Variants in PPFIBP1 observed in about 807,000 individuals in gnomAD.
The protein encoded by PPFIBP1 is liprin-beta-1.
Under a neutral mutation model 137.8 loss-of-function variants are expected in PPFIBP1, and 112 were observed. The observed-to-expected ratio is 0.81, with a 90% CI of 0.70 to 0.95. The LOEUF is 0.95. Among genes scored for constraint, PPFIBP1 ranks in the 40% least tolerant of loss-of-function variants. The pLI, the probability that PPFIBP1 is intolerant of heterozygous loss-of-function variation, is 0.00. For synonymous variants in PPFIBP1, 378 were observed against 417.3 expected (o/e 0.91, Z 1.15); for missense variants, 1,083 against 1,196.6 (o/e 0.91, Z 1.40).
intron 4 of PPFIBP1, chr12:27,637,295 G>A (rs532933457): frequency 6.6e-6 from 1 of 152,258 alleles, no homozygotes; most frequent in East Asian, 1.9e-4. Context: ...CTCCATGAAT[G>A]ATAAAGTGGA....
At chr12:27,593,658 A>G in intron 2 of PPFIBP1, 1 of 530,518 alleles carries the variant, frequency 1.9e-6, no homozygotes, top group East Asian at 3.6e-5. Flanking sequence ...CAGTTTGCTG[A>G]CAGATAGTTT....
intron 17 of PPFIBP1, among the ~76,000 whole-genome samples, chr12:27,674,811 ATT>A (rs72418237): frequency 1.8e-5 from 2 of 108,704 alleles, no homozygotes; most frequent in Non-Finnish European, 3.5e-5. Flanking sequence ...CTTTCCCCTG[ATT>A]TTTTTTTTTT....
chr12:27,637,107 C>T (rs947722927), intron 4 of PPFIBP1: 6 of 152,180 alleles, frequency 3.9e-5, no homozygotes, highest in African/African-American at 1.4e-4. Context: ...TTGTTCTTAG[C>T]ATTCACCATT....
intron 9 of PPFIBP1, 115 bp from the exon 10 acceptor site, chr12:27,658,701 T>G: frequency 1.9e-4 from 213 of 1,139,172 alleles, no homozygotes; most frequent in East Asian, 3.2e-4. Context: ...AAAGTTTTTA[T>G]GAGGTTAGAT....
At chr12:27,671,668 G>A (rs898557172) in intron 14 of PPFIBP1, 122 bp downstream of exon 14, 12 of 579,776 alleles carry the variant, frequency 2.1e-5, no homozygotes, top group Non-Finnish European at 2.4e-5. Context: ...ACTGCAAGAT[G>A]TCCACTGGGG....
intron 4 of PPFIBP1, among the ~76,000 whole-genome samples, chr12:27,642,402 G>T (rs555697912): frequency 6.6e-6 from 1 of 152,352 alleles, no homozygotes; most frequent in African/African-American, 2.4e-5. Flanking sequence ...GTGGAAGTCA[G>T]ATCGACTCAA....
chr12:27,596,958 G>C (rs1056332465), intron 2 of PPFIBP1, among the ~76,000 whole-genome samples: 2 of 152,168 alleles, frequency 1.3e-5, no homozygotes, highest in Non-Finnish European at 2.9e-5. Context: ...TCTTGTCTCA[G>C]GAGGCTGACC....
chr12:27,667,437 A>C, intron 13 of PPFIBP1, 117 bp downstream of exon 13: 18 of 883,036 alleles, frequency 2.0e-5, no homozygotes, highest in Non-Finnish European at 2.7e-5. Flanking sequence ...TCACCAACTC[A>C]AGTGAGGTTA....
chr12:27,599,522 C>T (rs1306007576), intron 2 of PPFIBP1: 3 of 455,728 alleles, frequency 6.6e-6, no homozygotes, highest in South Asian at 4.7e-5. Context: ...TCTTTCTCTC[C>T]TTCCCTCCTG....
chr12:27,663,430 A>G lies in PPFIBP1; in HGVS notation c.907-932A>G, dbSNP rs1470271916. Among the ~76,000 whole-genome samples, 3 of 152,318 alleles carry G rather than the reference A, an allele frequency of 2.0e-5. No homozygotes were observed. The South Asian group carries it at 6.2e-4, about 32-fold the overall frequency. On this transcript the variant is annotated intron_variant, in intron 11 of 29. Transcript: ENST00000228425. Reference sequence around the variant, plus strand: ...AGATAATGGGGGTTATGGAAGTTCAACAGCTATCTGGTCAAAGGATTGAGA... The same window carrying G: ...AGATAATGGGGGTTATGGAAGTTCAGCAGCTATCTGGTCAAAGGATTGAGA...
chr12:27,674,288 G>C, intron 17 of PPFIBP1, 67 bp downstream of exon 17: 1 of 1,224,550 alleles, frequency 8.2e-7, no homozygotes, highest in East Asian at 2.4e-5. Context: ...TTGCTTAAAT[G>C]TCTCCAGTAG....
At position 27,526,006 on chromosome 12, in the gene PPFIBP1, T is replaced by C. The variant is rs192344373; in HGVS notation, c.-124+1641T>C. On this transcript the variant is annotated intron_variant, in intron 1 of 29. Transcript: ENST00000228425. ...TGGCTTAAGACACAGAAATTGCAAA[T>C]GGCTCTGCAATAATGGTGAACAAGT... is the stretch of plus-strand genomic sequence containing the variant. 6.0e-4 allele frequency among the ~76,000 whole-genome samples: 92 copies of C among 152,358 alleles called. 1 individual carries two copies. The highest frequency in any genetic ancestry group is 2.2e-3 in the African/African-American group (90 of 41,588).
In PPFIBP1 at chr12:27,537,935, A is replaced by G. The variant is rs563910345; in HGVS notation, c.-124+13570A>G. On this transcript the variant is annotated intron_variant, in intron 1 of 29. Coordinates refer to ENST00000228425, the MANE Select transcript of PPFIBP1 (RefSeq NM_003622.4). ...ACCTGAATGTTGATCTTTTAGTCTG[A>G]GAAATTAAATTCCCCGTTCATAACG... is the stretch of plus-strand genomic sequence containing the variant. 1.3e-4 allele frequency among the ~76,000 whole-genome samples: 20 copies of G among 152,294 alleles called. No homozygotes were observed. In the South Asian group the frequency reaches 4.1e-3, roughly 32 times the overall value.
intron 2 of PPFIBP1, among the ~76,000 whole-genome samples, chr12:27,601,498 C>T (rs1434131187): frequency 3.3e-5 from 5 of 152,248 alleles, no homozygotes; most frequent in South Asian, 2.1e-4. Context: ...TGCATCATAC[C>T]GCTGCCAAAG....
At chr12:27,656,997 G>T in intron 9 of PPFIBP1, 1 of 282,740 alleles carries the variant, frequency 3.5e-6, no homozygotes, top group Non-Finnish European at 6.7e-6. Flanking sequence ...TCACAAGGAT[G>T]GACTTGTCTC....
chr12:27,649,702 C>T (rs2058756284), intron 6 of PPFIBP1, among the ~76,000 whole-genome samples: 1 of 152,118 alleles, frequency 6.6e-6, no homozygotes, highest in Admixed American at 6.6e-5. Flanking sequence ...AGGCACCCGC[C>T]ACTATGCCCG....
At chr12:27,556,549 G>T (rs1297438912) in intron 1 of PPFIBP1, among the ~76,000 whole-genome samples, 2 of 152,206 alleles carry the variant, frequency 1.3e-5, no homozygotes, top group African/African-American at 4.8e-5. Context: ...TCATGATGGA[G>T]TCTCATGTTT....
At chr12:27,681,460 A>T in intron 21 of PPFIBP1, 86 bp from the exon 22 acceptor site, 1 of 1,429,010 alleles carries the variant, frequency 7.0e-7, no homozygotes, top group Non-Finnish European at 9.7e-7. Context: ...TTCCATGTCT[A>T]TTGAATGTAT....
rs1275967906 is a variant in PPFIBP1, at chr12:27,633,275, CAG to C, written c.-35-84_-35-83del. 7 of 874,950 alleles carry C rather than the reference CAG, an allele frequency of 8.0e-6. No individual in the cohort carries two copies. The East Asian group carries it at 1.5e-4, about 19-fold the overall frequency. 54.2% of individuals were successfully genotyped at this position (874,950 alleles called of 1,614,324 possible). On this transcript the variant is annotated intron_variant, in intron 2 of 29. Coordinates refer to ENST00000228425, the MANE Select transcript of PPFIBP1 (RefSeq NM_003622.4). ...TCTTCTTCCATATTTGACTACACAG[CAG>C]AGTTATCATTTGAAGGTGAATTAGA...
Sources: allele counts gnomAD v4.1 joint callset (sites outside exome capture counted in the v4.1 genomes callset), GRCh38; gene constraint gnomAD v4.1.1; transcripts MANE v1.5; gene names NCBI Gene and HGNC (gene_info 2026-07-23, HGNC 2026-07-21).